DAGLB: variants seen among roughly 807,000 people sequenced by gnomAD.
DAGLB encodes diacylglycerol lipase-beta.
In DAGLB, 66 loss-of-function variants were observed where a neutral mutation model predicts 72.1. The observed-to-expected ratio is 0.92, with a 90% CI of 0.75 to 1.12. The LOEUF (loss-of-function observed/expected upper bound fraction) is 1.12, where lower values mean the gene tolerates loss of function less well. Among genes scored for constraint, DAGLB ranks in the 50% most tolerant of loss-of-function variants. DAGLB has a pLI of 0.00. For missense variants in DAGLB, 1,065 were observed against 884.9 expected, an observed-to-expected ratio of 1.20 and a Z score of -2.58; for synonymous variants, 414 against 359.5, an observed-to-expected ratio of 1.15 and a Z score of -1.71.
At chr7:6,443,109 G>A (rs926095827) in intron 2 of DAGLB, among the ~76,000 whole-genome samples, 1 of 151,160 alleles carries the variant, frequency 6.6e-6, no homozygotes, top group African/African-American at 2.4e-5. Context: ...CGTGAACCCG[G>A]GAGGCGGAGC....
intron 11 of DAGLB, among the ~76,000 whole-genome samples, 196 bp from the exon 12 acceptor site, chr7:6,413,230 T>TTCAA (rs1184501721): frequency 1.3e-5 from 2 of 152,100 alleles, no homozygotes; most frequent in African/African-American, 4.8e-5. Flanking sequence ...ACAATATGTG[T>TTCAA]TCAACAGAGA....
intron 8 of DAGLB, 129 bp from the exon 9 acceptor site, chr7:6,421,933 T>G: frequency 9.7e-7 from 1 of 1,031,618 alleles, no homozygotes; most frequent in Non-Finnish European, 1.5e-6. Flanking sequence ...AGTTCGGTCC[T>G]GGGACTGAAC....
chr7:6,434,479 G>C (rs1863078), intron 4 of DAGLB, among the ~76,000 whole-genome samples: 13 of 152,106 alleles, frequency 8.5e-5, no homozygotes, highest in African/African-American at 3.1e-4. Context: ...TACAGCGTCC[G>C]TTATGTGGTT....
At chr7:6,434,737 A>G (rs539319489) in intron 4 of DAGLB, 25 bp downstream of exon 4, 2 of 1,613,184 alleles carry the variant, frequency 1.2e-6, no homozygotes, top group African/African-American at 2.7e-5. Flanking sequence ...GAAGAAACAG[A>G]CCAAACCAGA....
rs1045884572 is a variant in DAGLB at position 6,412,579 on chromosome 7, C to G, written c.1569+232G>C. 8 of 581,508 alleles carry G rather than the reference C, an allele frequency of 1.4e-5. No homozygotes were observed. The African/African-American group carries it at 1.5e-4, about 11-fold the overall frequency. The allele number at this position is 581,508 out of a possible 1,614,324, so 36.0% of individuals were successfully genotyped here. A position where few individuals can be genotyped will look rare whatever the true frequency, so the allele number is the denominator to read the frequency against. ...GGGATTCCAGGCATACACCACTGCTCCCAGCCCAGATCCTGTTTCCTCCCT... is the reference window on the plus strand; with the variant it reads ...GGGATTCCAGGCATACACCACTGCTGCCAGCCCAGATCCTGTTTCCTCCCT... On this transcript the variant is annotated intron_variant, in intron 13 of 14. Transcript: ENST00000297056.
At chr7:6,426,175 C>A (rs1414753247) in intron 6 of DAGLB, 61 bp from the exon 7 acceptor site, 1 of 1,602,676 alleles carries the variant, frequency 6.2e-7, no homozygotes, top group Non-Finnish European at 8.5e-7. Flanking sequence ...GAACGTCCAT[C>A]CTCACTGCCA....
In DAGLB at chr7:6,419,872, TGGC is replaced by T. The variant is rs569185775; in HGVS notation, c.1218+1852_1218+1854del. ...AAAGACAGCAAAGGGCCAGGCGTGG[TGGC>T]TCACGCCTGCAATCCCAGCACTTTG... On this transcript the variant is annotated intron_variant, in intron 9 of 14. Coordinates refer to ENST00000297056, the MANE Select transcript of DAGLB (RefSeq NM_139179.4). 2.1e-4 allele frequency among the ~76,000 whole-genome samples: 32 copies of T among 152,354 alleles called. No individual in the cohort carries two copies. In the South Asian group the frequency reaches 6.2e-3, roughly 30 times the overall value.
intron 8 of DAGLB, chr7:6,422,741 A>C (rs1784173049): frequency 1.3e-5 from 2 of 152,462 alleles, no homozygotes; most frequent in Non-Finnish European, 2.9e-5. Context: ...AGAGGAGGGC[A>C]GGGGAAGGAA....
intron 11 of DAGLB, 71 bp downstream of exon 11, chr7:6,416,555 GA>G (rs1173728753): frequency 2.0e-6 from 3 of 1,514,728 alleles, no homozygotes; most frequent in Admixed American, 2.3e-5. Flanking sequence ...GAAAATAAAA[GA>G]AAAAAAAGAT....
chr7:6,424,956 C>A, intron 7 of DAGLB, 121 bp from the exon 8 acceptor site: 1 of 906,528 alleles, frequency 1.1e-6, no homozygotes, highest in Non-Finnish European at 1.8e-6. Context: ...GAGGAGGGGA[C>A]ACCGCCTCTC....
chr7:6,421,937 A>T, intron 8 of DAGLB, 133 bp from the exon 9 acceptor site: 1 of 992,712 alleles, frequency 1.0e-6, no homozygotes, highest in Non-Finnish European at 1.5e-6. Context: ...CGGTCCTGGG[A>T]CTGAACCCTA....
intron 9 of DAGLB, among the ~76,000 whole-genome samples, chr7:6,418,894 G>C (rs1361564636): frequency 6.6e-6 from 1 of 151,874 alleles, no homozygotes; most frequent in Non-Finnish European, 1.5e-5. Flanking sequence ...TCCATCTCCT[G>C]ACCTCGTGAT....
Position 6,416,881 on chromosome 7 carries a change from A to C in DAGLB, c.1259T>G (p.Ile420Ser), listed in dbSNP as rs1562479466. 6.2e-7 allele frequency: 1 copy of C among 1,614,206 alleles called. No individual in the cohort carries two copies. Among genetic ancestry groups the C allele is most frequent in the South Asian group, 1.1e-5 (1 of 91,086 alleles). ...GGCTTGGCTCAAAATCCCGTCGTTG[A>C]TGAGTCGTTGGTAAACGTATCTGGC... ...QAARYVYQRL[I>S]NDGILSQAFS... Residue 420 changes from isoleucine (I) to serine (S), a missense_variant, in exon 10 of 15, where the codon ATC becomes AGC. By Grantham distance (142) the Ile-to-Ser change is moderately radical (BLOSUM62 -2). Coordinates refer to ENST00000297056, the MANE Select transcript of DAGLB (RefSeq NM_139179.4).
At chr7:6,417,024 C>T (rs1338948874) in intron 9 of DAGLB, 103 bp from the exon 10 acceptor site, 3 of 1,328,226 alleles carry the variant, frequency 2.3e-6, no homozygotes, top group Admixed American at 1.9e-5. Flanking sequence ...GTGAGTCTCT[C>T]CTGGGATCTG....
intron 2 of DAGLB, among the ~76,000 whole-genome samples, chr7:6,441,092 ATTT>A (rs34344272): frequency 2.2e-5 from 3 of 139,202 alleles, no homozygotes; most frequent in Admixed American, 7.3e-5. Context: ...CAAACTGACA[ATTT>A]TTTTTTTTTT....
intron 7 of DAGLB, among the ~76,000 whole-genome samples, chr7:6,425,752 G>C (rs903896372): frequency 6.6e-6 from 1 of 152,182 alleles, no homozygotes; most frequent in African/African-American, 2.4e-5. Context: ...GAAACACAGC[G>C]CGCTATCTCT....
chr7:6,436,409 C>A lies in DAGLB; in HGVS notation c.372G>T (p.Gln124His), dbSNP rs749247759. The change falls in exon 3 of 15, where the codon CAG becomes CAT. Residue 124 changes from glutamine to histidine, a missense_variant. Gln to His is a conservative substitution (Grantham distance 24). Coordinates refer to ENST00000297056, the MANE Select transcript of DAGLB (RefSeq NM_139179.4). ...TGCCGTTTACAACTGTCCTGTCGCACTGAACACCATCTGCCACCCAGGCAG... is the reference window on the plus strand; with the variant it reads ...TGCCGTTTACAACTGTCCTGTCGCAATGAACACCATCTGCCACCCAGGCAG... ...LGAAWVADGV[Q>H]CDRTVVNGII... 9.9e-6 allele frequency: 16 copies of A among 1,613,980 alleles called. No individual in the cohort carries two copies. The highest frequency in any genetic ancestry group is 1.4e-5 in the Non-Finnish European group (16 of 1,180,032).
intron 8 of DAGLB, 49 bp from the exon 9 acceptor site, chr7:6,421,853 G>T: frequency 6.3e-7 from 1 of 1,590,534 alleles, no homozygotes; most frequent in Non-Finnish European, 8.6e-7. Flanking sequence ...GATGGGCAGG[G>T]TGGGAGAATG....
intron 6 of DAGLB, among the ~76,000 whole-genome samples, chr7:6,428,315 CAAA>C (rs749361631): frequency 7.8e-5 from 6 of 76,992 alleles, no homozygotes; most frequent in East Asian, 3.6e-4. Context: ...GACTCTGTCT[CAAA>C]AAAAAAAAAA....
Sources: gnomAD v4.1 joint callset for allele counts (sites outside exome capture counted in the v4.1 genomes callset) on GRCh38, gnomAD v4.1.1 for gene constraint, MANE v1.5 for transcripts, NCBI Gene and HGNC (gene_info 2026-07-23, HGNC 2026-07-21) for gene names.